Variants in FOSL2 observed in about 807,000 individuals in gnomAD.
FOSL2 encodes the protein FOS like 2, AP-1 transcription factor subunit.
Under a neutral mutation model 27.7 loss-of-function variants are expected in FOSL2, and 3 were observed. The ratio of observed to expected loss-of-function variants is 0.11; its 90% confidence interval spans 0.05 to 0.28. FOSL2 has a LOEUF of 0.28. FOSL2 is among the 10% of genes least tolerant of loss of function. The pLI is 1.00. For missense variants in FOSL2, 333 were observed against 445.1 expected (o/e 0.75, Z 2.27); for synonymous variants, 179 against 190.1 (o/e 0.94, Z 0.48).
chr2:28,415,199 G>A lies in FOSL2; in HGVS notation c.*2751G>A, dbSNP rs1035512343. On this transcript the variant is annotated 3_prime_UTR_variant, in exon 4 of 4. Coordinates refer to ENST00000264716, the MANE Select transcript of FOSL2 (RefSeq NM_005253.4). Reference sequence around the variant, plus strand: ...TCCGATTGGGCTGCAGGCAGCTCTGGGACGGCACAGGGCGGGCGCTCTGAT... The same window carrying A: ...TCCGATTGGGCTGCAGGCAGCTCTGAGACGGCACAGGGCGGGCGCTCTGAT... 1 of 152,382 alleles carries A rather than the reference G, an allele frequency of 6.6e-6. No homozygotes were observed. The highest frequency in any genetic ancestry group is 2.4e-5 in the African/African-American group (1 of 41,452). The allele number at this position is 152,382 out of a possible 1,614,324, so 9.4% of individuals were successfully genotyped here. A position where few individuals can be genotyped will look rare whatever the true frequency, so the allele number is the denominator to read the frequency against.
In FOSL2 at chr2:28,413,350, A is replaced by G. The variant is rs1327475284; in HGVS notation, c.*902A>G. ...CGTCTCCTGTAATTACTGCCTTGCC[A>G]TTCTGCCCCTGGACCCTTCTCTCCG... On this transcript the variant is annotated 3_prime_UTR_variant, in exon 4 of 4. Transcript: ENST00000264716. The G allele has an allele frequency of 5.0e-6, 2 of 397,402 alleles. No individual in the cohort carries two copies. Among genetic ancestry groups the G allele is most frequent in the African/African-American group, 2.1e-5 (1 of 48,604 alleles). The allele number at this position is 397,402 out of a possible 1,614,324, so 24.6% of individuals were successfully genotyped here.
In FOSL2 at chr2:28,393,864, C is replaced by G; in HGVS notation, c.102+42C>G. On this transcript the variant is annotated intron_variant, in intron 1 of 3. Transcript: ENST00000264716. This position sits in a 1 kb window ranked among gnomAD's most constrained non-coding sequence, Gnocchi z 4.6. ...GTGCACCTGGCGGCGCGGGCGGACC[C>G]CTGCCCTCTTCTCGCCGCCACTGCC... 2 of 1,366,664 alleles carry G rather than the reference C, an allele frequency of 1.5e-6. No homozygotes were observed. Among genetic ancestry groups the G allele is most frequent in the Non-Finnish European group, 2.0e-6 (2 of 990,824 alleles). The allele number at this position is 1,366,664 out of a possible 1,614,324, so 84.7% of individuals were successfully genotyped here.
At chr2:28,400,723 C>G (rs766322555) in intron 1 of FOSL2, among the ~76,000 whole-genome samples, 18 of 152,154 alleles carry the variant, frequency 1.2e-4, no homozygotes, top group South Asian at 4.1e-4. Flanking sequence ...TTGTCTAGAC[C>G]AAGCCATTGC....
chr2:28,413,991 C>A lies in FOSL2; in HGVS notation c.*1543C>A. On this transcript the variant is annotated 3_prime_UTR_variant, in exon 4 of 4. Transcript: ENST00000264716. ...GCTCAGCAGGGTCCCTGCTGCCCAC[C>A]CCTCTGAGCCTTTTCTCCCCAGGGT... 2 of 396,574 alleles carry A rather than the reference C, an allele frequency of 5.0e-6. No homozygotes were observed. The highest frequency in any genetic ancestry group is 8.9e-6 in the Non-Finnish European group (2 of 225,330). 24.6% of individuals were successfully genotyped at this position (396,574 alleles called of 1,614,324 possible).
chr2:28,402,920 C>T (rs1664004719), intron 1 of FOSL2, among the ~76,000 whole-genome samples: 1 of 152,224 alleles, frequency 6.6e-6, no homozygotes, highest in Admixed American at 6.5e-5. Context: ...GTTCTTCACT[C>T]AGAGAGAGAA....
In FOSL2 at chr2:28,416,322, G is replaced by A. The variant is rs148560952; in HGVS notation, c.*3874G>A. 6.6e-6 allele frequency: 1 copy of A among 152,078 alleles called. No homozygotes were observed. The highest frequency in any genetic ancestry group is 2.4e-5 in the African/African-American group (1 of 41,480). 9.4% of individuals were successfully genotyped at this position (152,078 alleles called of 1,614,324 possible). A position where few individuals can be genotyped will look rare whatever the true frequency, so the allele number is the denominator to read the frequency against. The stretch of plus-strand genomic sequence containing the variant: ...AGGGGCTGGATCAAATTTTGAGAGG[G>A]TTATGGGAAAGGGAGGGGGAGAAGA... On this transcript the variant is annotated 3_prime_UTR_variant, in exon 4 of 4. Coordinates refer to ENST00000264716, the MANE Select transcript of FOSL2 (RefSeq NM_005253.4).
chr2:28,411,813 T>G, intron 3 of FOSL2, 117 bp from the exon 4 acceptor site: 4 of 1,052,076 alleles, frequency 3.8e-6, no homozygotes, highest in Non-Finnish European at 5.8e-6. Flanking sequence ...GGGTCTGTGG[T>G]TAGGTGTGTG....
In FOSL2 at chr2:28,408,652, T is replaced by C; in HGVS notation, c.355-107T>C. On this transcript the variant is annotated intron_variant, in intron 2 of 3. Coordinates refer to ENST00000264716, the MANE Select transcript of FOSL2 (RefSeq NM_005253.4). The surrounding 1 kb of genome is among the most constrained non-coding windows in gnomAD (Gnocchi z 4.1). ...TGCTCCTCTTGCCCTTCCTTCTCCTTTCTCCATTTCCAGAAGGGCTTCTTG... is the reference window on the plus strand; with the variant it reads ...TGCTCCTCTTGCCCTTCCTTCTCCTCTCTCCATTTCCAGAAGGGCTTCTTG... The C allele has an allele frequency of 2.7e-6, 2 of 744,694 alleles. No homozygotes were observed. Among genetic ancestry groups the C allele is most frequent in the Non-Finnish European group, 4.2e-6 (2 of 477,366 alleles). 46.1% of individuals were successfully genotyped at this position (744,694 alleles called of 1,614,324 possible).
At chr2:28,396,410 G>A (rs1346720270) in intron 1 of FOSL2, among the ~76,000 whole-genome samples, 1 of 152,052 alleles carries the variant, frequency 6.6e-6, no homozygotes, top group Non-Finnish European at 1.5e-5. Flanking sequence ...GGTCATTGGT[G>A]ATTTTGTTTT....
intron 3 of FOSL2, among the ~76,000 whole-genome samples, chr2:28,410,961 C>T (rs1158820843): frequency 2.0e-5 from 3 of 152,026 alleles, no homozygotes; most frequent in Admixed American, 6.6e-5. Flanking sequence ...CCAGCCTGGT[C>T]GATGTGGTGA....
intron 1 of FOSL2, among the ~76,000 whole-genome samples, chr2:28,399,664 T>C (rs948739669): frequency 6.6e-6 from 1 of 152,202 alleles, no homozygotes. Flanking sequence ...AGAGCCCGTC[T>C]CCTCGGCTAC....
At chr2:28,402,288 A>G (rs1054068682) in intron 1 of FOSL2, among the ~76,000 whole-genome samples, 7 of 152,268 alleles carry the variant, frequency 4.6e-5, no homozygotes, top group Non-Finnish European at 1.0e-4. Flanking sequence ...CCAGAATCCC[A>G]GAATCCATTG....
chr2:28,401,971 T>C (rs4666071), intron 1 of FOSL2, among the ~76,000 whole-genome samples: 151,843 of 151,990 alleles, frequency 1, 75,848 homozygotes, highest in Middle Eastern at 1. Context: ...GGATAACTTT[T>C]CTCCAGAATG....
At chr2:28,403,138 G>A (rs1294239937) in intron 1 of FOSL2, among the ~76,000 whole-genome samples, 4 of 152,132 alleles carry the variant, frequency 2.6e-5, no homozygotes, top group Non-Finnish European at 5.9e-5. Context: ...GGAAGTAGGG[G>A]GCTCTTCTCT....
chr2:28,398,486 C>T (rs1238381550), intron 1 of FOSL2, among the ~76,000 whole-genome samples: 1 of 152,232 alleles, frequency 6.6e-6, no homozygotes, highest in Non-Finnish European at 1.5e-5. Flanking sequence ...TCCAAAGGGG[C>T]CCACACACTA....
At chr2:28,405,667 T>G (rs1431844777) in intron 2 of FOSL2, among the ~76,000 whole-genome samples, 1 of 152,088 alleles carries the variant, frequency 6.6e-6, no homozygotes, top group Non-Finnish European at 1.5e-5. Flanking sequence ...CAAAGCTGGG[T>G]CTTGTATCCA....
intron 1 of FOSL2, among the ~76,000 whole-genome samples, chr2:28,400,762 G>A (rs1013997452): frequency 1.3e-5 from 2 of 152,320 alleles, no homozygotes; most frequent in African/African-American, 2.4e-5. Flanking sequence ...TGTATACCGG[G>A]GAGCACACAC....
chr2:28,411,649 A>G (rs892309306), intron 3 of FOSL2, among the ~76,000 whole-genome samples: 1 of 152,242 alleles, frequency 6.6e-6, no homozygotes, highest in Non-Finnish European at 1.5e-5. Context: ...GAATGAGATC[A>G]TCTCTGAAAT....
chr2:28,414,826 T>G lies in FOSL2; in HGVS notation c.*2378T>G, dbSNP rs1664280532. 2 of 152,194 alleles carry G rather than the reference T, an allele frequency of 1.3e-5. No individual in the cohort carries two copies. The highest frequency in any genetic ancestry group is 2.4e-5 in the African/African-American group (1 of 41,512). The allele number at this position is 152,194 out of a possible 1,614,324, so 9.4% of individuals were successfully genotyped here. ...TGTTGGGACCAGCAGAAGGCAAACG[T>G]CCAGCCAACACACAGGACTGTAAGA... On this transcript the variant is annotated 3_prime_UTR_variant, in exon 4 of 4. Coordinates refer to ENST00000264716, the MANE Select transcript of FOSL2 (RefSeq NM_005253.4).
Sources: allele counts gnomAD v4.1 joint callset (sites outside exome capture counted in the v4.1 genomes callset), GRCh38; gene constraint gnomAD v4.1.1; non-coding constraint Gnocchi (gnomAD v3.1); transcripts MANE v1.5; gene names NCBI Gene and HGNC (gene_info 2026-07-23, HGNC 2026-07-21).